PPP4R3B: variants seen among roughly 807,000 people sequenced by gnomAD.
PPP4R3B encodes protein phosphatase 4 regulatory subunit 3B, also known as serine/threonine-protein phosphatase 4 regulatory subunit 3B.
PPP4R3B carries 52 observed loss-of-function variants against 95.4 expected under a neutral mutation model. The observed-to-expected ratio is 0.54, with a 90% CI of 0.44 to 0.69. PPP4R3B has a LOEUF of 0.69. Ranked by LOEUF, PPP4R3B falls within the 30% of genes least tolerant of loss-of-function variation. The probability of loss-of-function intolerance (pLI) is 0.00; values close to 1 mark genes in which losing one functional copy is unlikely to be tolerated. For missense variants in PPP4R3B, 1,003 were observed against 1,005.9 expected (o/e 1.00, Z 0.04); for synonymous variants, 407 against 343.9 (o/e 1.18, Z -2.03).
chr2:55,588,230 G>A (rs1015301900), intron 5 of PPP4R3B, among the ~76,000 whole-genome samples: 5 of 152,100 alleles, frequency 3.3e-5, no homozygotes. Flanking sequence ...GAAAAGCATT[G>A]CGGCTAGGCG....
At chr2:55,600,456 A>AG (rs1692405648) in intron 3 of PPP4R3B, among the ~76,000 whole-genome samples, 2 of 144,540 alleles carry the variant, frequency 1.4e-5, no homozygotes, top group African/African-American at 5.2e-5. Context: ...AAAAAAAAAA[A>AG]GGCGGGCAGG....
chr2:55,573,548 A>C (rs1272876771), intron 12 of PPP4R3B, 71 bp downstream of exon 12: 2 of 1,357,504 alleles, frequency 1.5e-6, no homozygotes, highest in East Asian at 2.6e-5. Context: ...CTGCTAATAA[A>C]TAACTTCAAA....
At chr2:55,554,867 A>C (rs953202526) in intron 16 of PPP4R3B, among the ~76,000 whole-genome samples, 9 of 152,134 alleles carry the variant, frequency 5.9e-5, no homozygotes, top group African/African-American at 1.4e-4. Flanking sequence ...AGAGTTTTAG[A>C]CTTTTAACTT....
At chr2:55,563,573 C>T (rs1686898942) in intron 15 of PPP4R3B, among the ~76,000 whole-genome samples, 1 of 152,008 alleles carries the variant, frequency 6.6e-6, no homozygotes, top group Admixed American at 6.6e-5. Flanking sequence ...AGGGTTTTAC[C>T]ATGTTACCCA....
At position 55,617,474 on chromosome 2, in the gene PPP4R3B, G is replaced by C. The variant is rs1695131368; in HGVS notation, c.-189C>G. ...TGACAAGAGCCACTGAGGCCTCTCCGCCCGGAGGCCCCGTTACCTCTCACT... is the reference window on the plus strand; with the variant it reads ...TGACAAGAGCCACTGAGGCCTCTCCCCCCGGAGGCCCCGTTACCTCTCACT... On this transcript the variant is annotated 5_prime_UTR_variant, in exon 1 of 17. Transcript: ENST00000616407. 1 of 551,130 alleles carries C rather than the reference G, an allele frequency of 1.8e-6. No homozygotes were observed. 34.1% of individuals were successfully genotyped at this position (551,130 alleles called of 1,614,324 possible).
rs1685004294 is a variant in PPP4R3B, at chr2:55,549,427, A to G, written c.*484T>C. On this transcript the variant is annotated 3_prime_UTR_variant, in exon 17 of 17. Transcript: ENST00000616407. ...CCAACAGCTTAACTTCATTTTTTTAATGATAGTTGAATGTGTTTTCCATAA... is the reference window on the plus strand; with the variant it reads ...CCAACAGCTTAACTTCATTTTTTTAGTGATAGTTGAATGTGTTTTCCATAA... 6.5e-6 allele frequency: 1 copy of G among 153,354 alleles called. No individual in the cohort carries two copies. The highest frequency in any genetic ancestry group is 1.5e-5 in the Non-Finnish European group (1 of 68,564). The allele number at this position is 153,354 out of a possible 1,614,324, so 9.5% of individuals were successfully genotyped here.
rs557535867 is a variant in PPP4R3B at position 55,596,355 on chromosome 2, A to T, written c.921+2061T>A. Reference sequence around the variant, plus strand: ...CAGATTCGTCTATTTCGAAAAAAAAAATCAGATTCAACAAACGAATCCTCG... The same window carrying T: ...CAGATTCGTCTATTTCGAAAAAAAATATCAGATTCAACAAACGAATCCTCG... On this transcript the variant is annotated intron_variant, in intron 4 of 16. Transcript: ENST00000616407. Among the ~76,000 whole-genome samples the T allele has an allele frequency of 5.1e-4, 78 of 152,340 alleles. 1 individual carries two copies. The East Asian group carries it at 0.012, about 24-fold the overall frequency.
intron 5 of PPP4R3B, among the ~76,000 whole-genome samples, chr2:55,587,569 G>A (rs1181815076): frequency 6.6e-6 from 1 of 152,218 alleles, no homozygotes; most frequent in Non-Finnish European, 1.5e-5. Context: ...GGGCAACAGA[G>A]CAAGACTCTT....
intron 3 of PPP4R3B, among the ~76,000 whole-genome samples, chr2:55,601,876 C>T (rs994035546): frequency 2.6e-5 from 4 of 152,128 alleles, no homozygotes; most frequent in African/African-American, 9.7e-5. Context: ...GTTAAAGCTT[C>T]CTGAGGATGT....
At position 55,558,936 on chromosome 2, in the gene PPP4R3B, T is replaced by C. The variant is rs753772998; in HGVS notation, c.2293A>G (p.Lys765Glu). ...TTGAAGCCACCAGGAGATGTCCTTTTGGGAAGGTTTTCCTTGTCTTCACTT... is the reference window on the plus strand; with the variant it reads ...TTGAAGCCACCAGGAGATGTCCTTTCGGGAAGGTTTTCCTTGTCTTCACTT... ...KESEDKENLP[K>E]RTSPGGFKFT... The change falls in exon 16 of 17, where the codon AAA (lysine) becomes GAA (glutamate). Residue 765 changes from lysine to glutamate, a missense_variant. Transcript: ENST00000616407. 6.2e-7 allele frequency: 1 copy of C among 1,611,494 alleles called. No individual in the cohort carries two copies. Among genetic ancestry groups the C allele is most frequent in the African/African-American group, 1.3e-5 (1 of 74,828 alleles).
chr2:55,606,639 T>C (rs1205189753), intron 2 of PPP4R3B, among the ~76,000 whole-genome samples: 3 of 151,864 alleles, frequency 2.0e-5, no homozygotes, highest in African/African-American at 7.3e-5. Context: ...ATGGCCAACA[T>C]GGTTGAAACC....
At chr2:55,576,010 A>C (rs13025331) in intron 11 of PPP4R3B, among the ~76,000 whole-genome samples, 33,725 of 151,822 alleles carry the variant, frequency 0.22, 3,845 homozygotes, top group East Asian at 0.3. Context: ...TTGCTCTAAC[A>C]GCCAGTACCA....
chr2:55,553,261 A>G (rs1256833539), intron 16 of PPP4R3B, among the ~76,000 whole-genome samples: 1 of 152,236 alleles, frequency 6.6e-6, no homozygotes, highest in Non-Finnish European at 1.5e-5. Flanking sequence ...CTACCCCACA[A>G]TAAGCTTTGC....
chr2:55,586,510 A>G (rs1690170429), intron 6 of PPP4R3B, 108 bp downstream of exon 6: 2 of 602,014 alleles, frequency 3.3e-6, no homozygotes, highest in African/African-American at 1.9e-5. Context: ...CAATTAAGAT[A>G]GCTAAACTAT....
intron 11 of PPP4R3B, 59 bp from the exon 12 acceptor site, chr2:55,573,836 A>T: frequency 8.4e-7 from 1 of 1,185,858 alleles, no homozygotes; most frequent in South Asian, 1.8e-5. Context: ...TAAAGAATAA[A>T]TAAAGCTTAC....
intron 1 of PPP4R3B, among the ~76,000 whole-genome samples, chr2:55,615,857 C>CAAAAAAAAA (rs58981030): frequency 2.6e-5 from 1 of 39,064 alleles, no homozygotes; most frequent in African/African-American, 1.8e-4. Context: ...ACTCTGTCTC[C>CAAAAAAAAA]AAAAAAAAAA....
In PPP4R3B at chr2:55,581,702, G is replaced by T; in HGVS notation, c.1234-4C>A. 1 of 1,609,590 alleles carries T rather than the reference G, an allele frequency of 6.2e-7. No individual in the cohort carries two copies. Among genetic ancestry groups the T allele is most frequent in the Non-Finnish European group, 8.5e-7 (1 of 1,178,574 alleles). ...CCACATTAATAAGAAGAATATCCTGGTGGCAAAACAAAACAAAACAAAACA... is the reference window on the plus strand; with the variant it reads ...CCACATTAATAAGAAGAATATCCTGTTGGCAAAACAAAACAAAACAAAACA... On this transcript the variant is annotated splice_polypyrimidine_tract_variant and splice_region_variant and intron_variant, in intron 7 of 16. Coordinates refer to ENST00000616407, the MANE Select transcript of PPP4R3B (RefSeq NM_001122964.3).
chr2:55,606,354 A>G (rs1693389680), intron 2 of PPP4R3B, among the ~76,000 whole-genome samples: 1 of 152,192 alleles, frequency 6.6e-6, no homozygotes, highest in Non-Finnish European at 1.5e-5. Flanking sequence ...AAGGCATAGT[A>G]TACCCAAACA....
At chr2:55,566,833 C>G (rs754873859) in intron 13 of PPP4R3B, among the ~76,000 whole-genome samples, 2 of 151,956 alleles carry the variant, frequency 1.3e-5, no homozygotes, top group Admixed American at 6.6e-5. Flanking sequence ...AAAGGGAGAC[C>G]CCATACATAA....
Sources: gnomAD v4.1 joint callset for allele counts (sites outside exome capture counted in the v4.1 genomes callset) on GRCh38, gnomAD v4.1.1 for gene constraint, MANE v1.5 for transcripts, NCBI Gene and HGNC (gene_info 2026-07-23, HGNC 2026-07-21) for gene names.